Variants in BTBD9 observed in about 807,000 individuals in gnomAD.
BTBD9 encodes the protein BTB/POZ domain-containing protein 9.
In BTBD9, 49 loss-of-function variants were observed where a neutral mutation model predicts 64.3. That is an observed-to-expected ratio of 0.76 (90% CI 0.61 to 0.97). The LOEUF (loss-of-function observed/expected upper bound fraction) is 0.97. Ranked by LOEUF, BTBD9 falls within the 50% of genes least tolerant of loss-of-function variation. The pLI is 0.00. For synonymous variants in BTBD9, 260 were observed against 274.7 expected (o/e 0.95, Z 0.53); for missense variants, 598 against 762.1 (o/e 0.78, Z 2.53).
At chr6:38,342,813 C>T (rs1471623654) in intron 7 of BTBD9, among the ~76,000 whole-genome samples, 2 of 152,138 alleles carry the variant, frequency 1.3e-5, no homozygotes, top group African/African-American at 4.8e-5. Context: ...CTAAAATGCA[C>T]CTGAGATTAT....
At chr6:38,246,687 A>G (rs9349062) in intron 9 of BTBD9, among the ~76,000 whole-genome samples, 16,518 of 152,066 alleles carry the variant, frequency 0.11, 1,340 homozygotes, top group East Asian at 0.48. Context: ...AGTATGAAAA[A>G]AGAAAAATAA....
intron 6 of BTBD9, among the ~76,000 whole-genome samples, chr6:38,359,736 A>G (rs1764877207): frequency 1.3e-5 from 2 of 152,044 alleles, no homozygotes; most frequent in South Asian, 4.1e-4. Flanking sequence ...GAACCAGCCA[A>G]TTTTTCTATT....
intron 8 of BTBD9, among the ~76,000 whole-genome samples, chr6:38,261,109 T>C (rs1764773944): frequency 6.9e-6 from 1 of 145,430 alleles, no homozygotes; most frequent in Non-Finnish European, 1.5e-5. Context: ...CCAGCTGATA[T>C]TTTTTTTTTT....
chr6:38,207,601 C>T (rs183273084), intron 9 of BTBD9, among the ~76,000 whole-genome samples: 16 of 151,834 alleles, frequency 1.1e-4, no homozygotes, highest in African/African-American at 3.4e-4. Flanking sequence ...CCAGCCTGGG[C>T]GACAGAGCGA....
chr6:38,186,205 A>C (rs903855219), intron 10 of BTBD9, among the ~76,000 whole-genome samples: 17 of 152,202 alleles, frequency 1.1e-4, no homozygotes, highest in African/African-American at 4.1e-4. Flanking sequence ...CTTAGTATTG[A>C]GTTTCCTCAT....
chr6:38,360,119 T>G (rs1323395392), intron 6 of BTBD9, among the ~76,000 whole-genome samples: 1 of 152,192 alleles, frequency 6.6e-6, no homozygotes, highest in East Asian at 1.9e-4. Flanking sequence ...CCAATCCAGA[T>G]TAAGTGTGAA....
At chr6:38,380,791 G>A (rs1009475708) in intron 6 of BTBD9, among the ~76,000 whole-genome samples, 2 of 152,182 alleles carry the variant, frequency 1.3e-5, no homozygotes, top group Non-Finnish European at 2.9e-5. Context: ...GCTGCAGTGA[G>A]CTATGATCAT....
At position 38,505,964 on chromosome 6, in the gene BTBD9, C is replaced by CAAAAAAAAAAAAAAAAAAAAAA. The variant is rs59014161; in HGVS notation, c.1154+71635_1154+71636insTTTTTTTTTTTTTTTTTTTTTT. ...TGGCAACAGCATGGCTCCGTCTCAA[C>CAAAAAAAAAAAAAAAAAAAAAA]AAAAAAAAAAAAAAAAAAAAGGAAC... is the stretch of plus-strand genomic sequence containing the variant. On this transcript the variant is annotated intron_variant, in intron 6 of 10. Coordinates refer to ENST00000481247, the MANE Select transcript of BTBD9 (RefSeq NM_001099272.2). Among the ~76,000 whole-genome samples the CAAAAAAAAAAAAAAAAAAAAAA allele has an allele frequency of 2.3e-4, 19 of 82,654 alleles. 2 individuals are homozygous for CAAAAAAAAAAAAAAAAAAAAAA. Among genetic ancestry groups the CAAAAAAAAAAAAAAAAAAAAAA allele is most frequent in the African/African-American group, 7.4e-4 (18 of 24,458 alleles). The allele number at this position is 82,654 out of a possible 152,430, so 54.2% of individuals were successfully genotyped here. A position where few individuals can be genotyped will look rare whatever the true frequency, so the allele number is the denominator to read the frequency against.
intron 6 of BTBD9, among the ~76,000 whole-genome samples, chr6:38,423,887 G>C (rs1768021166): frequency 6.6e-6 from 1 of 150,706 alleles, no homozygotes; most frequent in Non-Finnish European, 1.5e-5. Flanking sequence ...TTTTTAAGTA[G>C]TTCACGACAG....
At chr6:38,440,997 A>C (rs1237473797) in intron 6 of BTBD9, among the ~76,000 whole-genome samples, 2 of 152,194 alleles carry the variant, frequency 1.3e-5, no homozygotes, top group Non-Finnish European at 2.9e-5. Flanking sequence ...TATGCTTCCC[A>C]GAAACACCCT....
chr6:38,238,343 G>C (rs192615584), intron 9 of BTBD9, among the ~76,000 whole-genome samples: 2 of 152,292 alleles, frequency 1.3e-5, no homozygotes, highest in East Asian at 3.9e-4. Context: ...GTTCCACCTG[G>C]AAGGGTAGGG....
At chr6:38,406,383 G>A (rs1485193744) in intron 6 of BTBD9, among the ~76,000 whole-genome samples, 2 of 152,128 alleles carry the variant, frequency 1.3e-5, no homozygotes, top group Non-Finnish European at 2.9e-5. Flanking sequence ...CTATCAGCAA[G>A]TTGAAGCAAG....
At position 38,455,004 on chromosome 6, in the gene BTBD9, C is replaced by G. The variant is rs556929250; in HGVS notation, c.1155-109911G>C. Among the ~76,000 whole-genome samples, 3 of 152,192 alleles carry G rather than the reference C, an allele frequency of 2.0e-5. No homozygotes were observed. In the East Asian group the frequency reaches 5.8e-4, roughly 29 times the overall value. On this transcript the variant is annotated intron_variant, in intron 6 of 10. Coordinates refer to ENST00000481247, the MANE Select transcript of BTBD9 (RefSeq NM_001099272.2). ...CTCTGTTCTGGAAAGAAGAATAAAA[C>G]TGATTTTTGTTGGCCTTCCAGCACA...
intron 6 of BTBD9, among the ~76,000 whole-genome samples, chr6:38,413,915 A>G (rs1195450797): frequency 2.0e-5 from 3 of 152,180 alleles, no homozygotes; most frequent in African/African-American, 7.2e-5. Flanking sequence ...TAAGGTGTCT[A>G]TTGATGGGGT....
chr6:38,428,490 C>T (rs1394969165), intron 6 of BTBD9, among the ~76,000 whole-genome samples: 3 of 150,542 alleles, frequency 2.0e-5, no homozygotes, highest in East Asian at 3.9e-4. Context: ...CTCCTGGGCT[C>T]GAGTGATCCG....
At chr6:38,334,856 T>C (rs1448487760) in intron 7 of BTBD9, among the ~76,000 whole-genome samples, 1 of 150,832 alleles carries the variant, frequency 6.6e-6, no homozygotes, top group Non-Finnish European at 1.5e-5. Flanking sequence ...CAATCTTTAT[T>C]CTTAAAAAAA....
intron 8 of BTBD9, among the ~76,000 whole-genome samples, chr6:38,269,695 T>C (rs1223386483): frequency 6.6e-6 from 1 of 152,110 alleles, no homozygotes; most frequent in Non-Finnish European, 1.5e-5. Flanking sequence ...CTGCAGAAGA[T>C]GTGAGGATGT....
chr6:38,583,928 AATC>A (rs1000820605), intron 4 of BTBD9, among the ~76,000 whole-genome samples: 5 of 152,366 alleles, frequency 3.3e-5, no homozygotes, highest in Admixed American at 2.0e-4. Flanking sequence ...TAATAGGAAG[AATC>A]ATCATGAGAA....
rs12206712 is a variant in BTBD9, at chr6:38,171,972, T to C, written c.*3013A>G. ...TTCTTTGCCTGGGTGGTGGTGACCA[T>C]GGCGCCCTTGTGTCCTTTCCATTGG... On this transcript the variant is annotated 3_prime_UTR_variant, in exon 11 of 11. Transcript: ENST00000481247. The C allele has an allele frequency of 0.58, 88,210 of 151,102 alleles. 26,649 individuals are homozygous for C. Among genetic ancestry groups the C allele is most frequent in the Non-Finnish European group, 0.62 (42,388 of 67,838 alleles). The allele number at this position is 151,102 out of a possible 1,614,324, so 9.4% of individuals were successfully genotyped here.
Sources: gnomAD v4.1 joint callset for allele counts (sites outside exome capture counted in the v4.1 genomes callset) on GRCh38, gnomAD v4.1.1 for gene constraint, MANE v1.5 for transcripts, NCBI Gene and HGNC (gene_info 2026-07-23, HGNC 2026-07-21) for gene names.